Variants in PCSK5 observed in about 807,000 individuals in gnomAD.
PCSK5 encodes prohormone convertase 5.
Under a neutral mutation model 233.2 loss-of-function variants are expected in PCSK5, and 129 were observed. That is an observed-to-expected ratio of 0.55 (90% CI 0.48 to 0.64). The LOEUF (loss-of-function observed/expected upper bound fraction) is 0.64, where lower values mean the gene tolerates loss of function less well. PCSK5 is among the 30% of genes least tolerant of loss of function. The pLI, the probability that PCSK5 is intolerant of heterozygous loss-of-function variation, is 0.00. For missense variants in PCSK5, 2,076 were observed against 2,430.1 expected (o/e 0.85, Z 3.06); for synonymous variants, 825 against 879.2 (o/e 0.94, Z 1.09).
At chr9:76,326,747 GA>G (rs1829370614) in intron 32 of PCSK5, among the ~76,000 whole-genome samples, 1 of 152,196 alleles carries the variant, frequency 6.6e-6, no homozygotes, top group African/African-American at 2.4e-5. Flanking sequence ...CAGGGAGTGA[GA>G]CAGAGTCCCT....
chr9:76,283,880 A>C (rs1827962980), intron 24 of PCSK5, among the ~76,000 whole-genome samples: 1 of 152,234 alleles, frequency 6.6e-6, no homozygotes, highest in South Asian at 2.1e-4. Context: ...TAAACAAGTT[A>C]ATTAGAATCA....
At chr9:76,192,005 G>T (rs1824408119) in intron 20 of PCSK5, among the ~76,000 whole-genome samples, 1 of 149,768 alleles carries the variant, frequency 6.7e-6, no homozygotes, top group Non-Finnish European at 1.5e-5. Flanking sequence ...CTTGAACCCT[G>T]GAGGTGGAGG....
At chr9:75,895,790 A>G (rs1825775646) in intron 1 of PCSK5, among the ~76,000 whole-genome samples, 1 of 152,212 alleles carries the variant, frequency 6.6e-6, no homozygotes, top group South Asian at 2.1e-4. Context: ...TTTTCCAAGT[A>G]GGTAGGAAGA....
chr9:76,125,454 T>A (rs1214726567), intron 9 of PCSK5, among the ~76,000 whole-genome samples: 4 of 152,230 alleles, frequency 2.6e-5, no homozygotes, highest in Non-Finnish European at 4.4e-5. Context: ...CTGTGGCTAA[T>A]TGTATGACTT....
intron 3 of PCSK5, among the ~76,000 whole-genome samples, chr9:76,007,601 C>T (rs560264824): frequency 5.3e-5 from 8 of 152,046 alleles, no homozygotes; most frequent in South Asian, 2.1e-4. Flanking sequence ...AGTGATTCTC[C>T]GTTGCTTTAA....
intron 5 of PCSK5, among the ~76,000 whole-genome samples, chr9:76,065,424 A>AT (rs1405839363): frequency 2.0e-5 from 3 of 151,736 alleles, no homozygotes; most frequent in East Asian, 1.9e-4. Flanking sequence ...GATGTTGAGC[A>AT]TTTTTTTCAC....
intron 2 of PCSK5, among the ~76,000 whole-genome samples, chr9:75,962,209 G>A (rs2131345836): frequency 6.6e-6 from 1 of 152,312 alleles, no homozygotes; most frequent in African/African-American, 2.4e-5. Flanking sequence ...CTGGGAAGGA[G>A]CATGGGTGGT....
chr9:76,138,252 C>T (rs899787419), intron 10 of PCSK5, among the ~76,000 whole-genome samples: 2 of 151,950 alleles, frequency 1.3e-5, no homozygotes, highest in East Asian at 1.9e-4. Context: ...AGTCAAGCCC[C>T]GACAATCTGC....
intron 34 of PCSK5, among the ~76,000 whole-genome samples, chr9:76,332,933 G>A (rs1410161724): frequency 2.6e-5 from 4 of 152,222 alleles, no homozygotes; most frequent in Admixed American, 6.5e-5. Flanking sequence ...TCCCAACTAC[G>A]TGGGAGGTTG....
At chr9:76,238,090 G>A (rs1826307438) in intron 22 of PCSK5, among the ~76,000 whole-genome samples, 1 of 152,144 alleles carries the variant, frequency 6.6e-6, no homozygotes, top group Non-Finnish European at 1.5e-5. Flanking sequence ...CAGAGGCAGG[G>A]ACATGTGGGA....
At chr9:76,064,136 T>G (rs1257145607) in intron 5 of PCSK5, among the ~76,000 whole-genome samples, 1 of 111,312 alleles carries the variant, frequency 9.0e-6, no homozygotes, top group African/African-American at 4.2e-5. Context: ...GGCGGAGGGC[T>G]GACCCCCCCA....
chr9:76,237,821 ATAT>A (rs1826298313), intron 22 of PCSK5, among the ~76,000 whole-genome samples: 1 of 152,202 alleles, frequency 6.6e-6, no homozygotes, highest in African/African-American at 2.4e-5. Context: ...TAAATAAGAA[ATAT>A]TATGATAAAT....
At chr9:76,249,060 A>G (rs1826712377) in intron 24 of PCSK5, among the ~76,000 whole-genome samples, 1 of 152,100 alleles carries the variant, frequency 6.6e-6, no homozygotes, top group Non-Finnish European at 1.5e-5. Flanking sequence ...ACCGTACCCA[A>G]CCCTCACCTC....
At chr9:76,257,865 C>T (rs1827034956) in intron 24 of PCSK5, among the ~76,000 whole-genome samples, 1 of 152,214 alleles carries the variant, frequency 6.6e-6, no homozygotes, top group Non-Finnish European at 1.5e-5. Flanking sequence ...GTGCCTGTGA[C>T]TATCTGTAGC....
chr9:76,323,220 A>G lies in PCSK5; in HGVS notation c.4271A>G (p.Tyr1424Cys), dbSNP rs776274862. ...TGTCTTGAGAGTTCCTGGGTCCTCTATGATGGACTGTGCTTGGAGGAGTGT... is the reference window on the plus strand; with the variant it reads ...TGTCTTGAGAGTTCCTGGGTCCTCTGTGATGGACTGTGCTTGGAGGAGTGT... ...ELCLESSWVLYDGLCLEECPA... is the reference protein window; with the variant it reads ...ELCLESSWVLCDGLCLEECPA... The change falls in exon 32 of 38, where the codon TAT (tyrosine) becomes TGT (cysteine). Residue 1424 changes from tyrosine (Y) to cysteine (C), a missense_variant. By Grantham distance (194) the Tyr-to-Cys change is radical. Coordinates refer to ENST00000674117, the MANE Select transcript of PCSK5 (RefSeq NM_001372043.1). 1.9e-6 allele frequency: 3 copies of G among 1,612,820 alleles called. No homozygotes were observed. Among genetic ancestry groups the G allele is most frequent in the East Asian group, 2.2e-5 (1 of 44,882 alleles).
chr9:76,057,832 C>CTTT lies in PCSK5; in HGVS notation c.633-10101_633-10099dup, dbSNP rs36017305. On this transcript the variant is annotated intron_variant, in intron 5 of 37. Transcript: ENST00000674117. Reference sequence around the variant, plus strand: ...TAAAACTCAGGAAAGTATTCAGGGGCTTTTTTTTTTTTTTTTTTTTTTTTG... The same window carrying CTTT: ...TAAAACTCAGGAAAGTATTCAGGGGCTTTTTTTTTTTTTTTTTTTTTTTTTTTG... Among the ~76,000 whole-genome samples, 441 of 67,064 alleles carry CTTT rather than the reference C, an allele frequency of 6.6e-3. 14 individuals carry two copies. The highest frequency in any genetic ancestry group is 0.021 in the African/African-American group (333 of 16,168). 44.0% of individuals were successfully genotyped at this position (67,064 alleles called of 152,430 possible).
At chr9:76,241,963 T>C (rs1826444675) in intron 24 of PCSK5, among the ~76,000 whole-genome samples, 1 of 152,196 alleles carries the variant, frequency 6.6e-6, no homozygotes, top group South Asian at 2.1e-4. Context: ...AGGATTTGTG[T>C]TTCTGACAAG....
At chr9:76,018,953 G>A (rs1321988154) in intron 3 of PCSK5, among the ~76,000 whole-genome samples, 1 of 152,110 alleles carries the variant, frequency 6.6e-6, no homozygotes, top group Non-Finnish European at 1.5e-5. Flanking sequence ...GCTTGTTTTT[G>A]GCCCTGCTCT....
chr9:75,968,399 G>A (rs937393759), intron 2 of PCSK5, among the ~76,000 whole-genome samples: 5 of 152,298 alleles, frequency 3.3e-5, no homozygotes, highest in Non-Finnish European at 5.9e-5. Context: ...TTGCACATCC[G>A]TTATCAGTCA....
Sources: allele counts gnomAD v4.1 joint callset (sites outside exome capture counted in the v4.1 genomes callset), GRCh38; gene constraint gnomAD v4.1.1; transcripts MANE v1.5; gene names NCBI Gene and HGNC (gene_info 2026-07-23, HGNC 2026-07-21).